Variants in NRXN1 observed in about 807,000 individuals in gnomAD.
NRXN1 encodes neurexin-1.
Under a neutral mutation model 150.9 loss-of-function variants are expected in NRXN1, and 39 were observed. The ratio of observed to expected loss-of-function variants is 0.26; its 90% CI spans 0.20 to 0.34. The LOEUF is 0.34. Among genes scored for constraint, NRXN1 ranks in the 10% least tolerant of loss-of-function variants. NRXN1 has a pLI of 1.00. For synonymous variants in NRXN1, 924 were observed against 757.0 expected, an observed-to-expected ratio of 1.22 and a Z score of -3.62; for missense variants, 1,815 against 1,949.9, an observed-to-expected ratio of 0.93 and a Z score of 1.30.
intron 22 of NRXN1, among the ~76,000 whole-genome samples, chr2:49,942,521 G>A (rs755570600): frequency 6.6e-6 from 1 of 152,064 alleles, no homozygotes; most frequent in African/African-American, 2.4e-5. Context: ...TCTAGGTGAT[G>A]TCAATAGACA....
At chr2:50,203,177 G>A (rs1051840195) in intron 18 of NRXN1, among the ~76,000 whole-genome samples, 1 of 152,064 alleles carries the variant, frequency 6.6e-6, no homozygotes, top group Non-Finnish European at 1.5e-5. Context: ...CAGTTCTTGG[G>A]GTCAAAGATT....
At chr2:50,969,506 A>G (rs1694667678) in intron 2 of NRXN1, among the ~76,000 whole-genome samples, 1 of 152,170 alleles carries the variant, frequency 6.6e-6, no homozygotes, top group Admixed American at 6.6e-5. Context: ...TTTAATAGGT[A>G]TTAATATCTT....
intron 17 of NRXN1, among the ~76,000 whole-genome samples, chr2:50,410,293 C>G (rs1186960842): frequency 2.0e-5 from 3 of 152,226 alleles, no homozygotes; most frequent in Non-Finnish European, 4.4e-5. Context: ...AAAGCTTGCA[C>G]TGCTATCAGA....
intron 5 of NRXN1, among the ~76,000 whole-genome samples, chr2:50,880,467 A>C (rs1679272477): frequency 6.6e-6 from 1 of 152,008 alleles, no homozygotes; most frequent in Admixed American, 6.6e-5. Context: ...ATTAGCATAT[A>C]AGCTCTATTA....
chr2:50,715,625 A>G (rs752950556), intron 5 of NRXN1, among the ~76,000 whole-genome samples: 20 of 152,150 alleles, frequency 1.3e-4, no homozygotes, highest in Non-Finnish European at 2.5e-4. Flanking sequence ...ATGAATTTCC[A>G]TTCTACTCAC....
At chr2:50,730,162 G>C (rs997436080) in intron 5 of NRXN1, among the ~76,000 whole-genome samples, 2 of 152,098 alleles carry the variant, frequency 1.3e-5, no homozygotes, top group African/African-American at 4.8e-5. Context: ...GGCTCTACAA[G>C]AAGATGATCT....
intron 5 of NRXN1, among the ~76,000 whole-genome samples, chr2:50,670,007 G>C (rs998783052): frequency 1.3e-5 from 2 of 151,642 alleles, no homozygotes; most frequent in African/African-American, 4.8e-5. Flanking sequence ...CATAATTTTT[G>C]TTATAGACAA....
intron 18 of NRXN1, among the ~76,000 whole-genome samples, chr2:50,128,575 T>C (rs1296653538): frequency 6.6e-6 from 1 of 152,112 alleles, no homozygotes; most frequent in African/African-American, 2.4e-5. Context: ...GATCTCCCAG[T>C]ATAAAATTAA....
chr2:50,884,139 C>A (rs1679870959), intron 5 of NRXN1, among the ~76,000 whole-genome samples: 1 of 151,714 alleles, frequency 6.6e-6, no homozygotes, highest in Non-Finnish European at 1.5e-5. Context: ...CTAGTTTCTG[C>A]AGCAGACAAG....
At chr2:50,424,783 A>T (rs1011273465) in intron 17 of NRXN1, among the ~76,000 whole-genome samples, 1 of 152,132 alleles carries the variant, frequency 6.6e-6, no homozygotes, top group African/African-American at 2.4e-5. Context: ...TAAAAACCAA[A>T]GGCTTCTCCT....
intron 18 of NRXN1, among the ~76,000 whole-genome samples, chr2:50,160,256 C>T (rs2059280580): frequency 1.3e-5 from 2 of 151,888 alleles, no homozygotes; most frequent in Non-Finnish European, 2.9e-5. Flanking sequence ...AAAAGGCTTT[C>T]TGGGCCAGAC....
At chr2:50,466,437 T>C (rs1359998419) in intron 16 of NRXN1, 1 of 472,710 alleles carries the variant, frequency 2.1e-6, no homozygotes, top group South Asian at 1.6e-5. Context: ...TTCAGTCTTG[T>C]TATATACACA....
intron 2 of NRXN1, among the ~76,000 whole-genome samples, chr2:50,931,145 T>C (rs1351443632): frequency 2.0e-5 from 3 of 152,136 alleles, no homozygotes; most frequent in African/African-American, 7.2e-5. Flanking sequence ...AGATGAAAAG[T>C]AGGTGAACTC....
At chr2:51,001,371 G>A (rs1700056816) in intron 2 of NRXN1, among the ~76,000 whole-genome samples, 1 of 151,770 alleles carries the variant, frequency 6.6e-6, no homozygotes, top group Admixed American at 6.6e-5. Flanking sequence ...GTTTGTTGGT[G>A]CCTTTCCAAA....
intron 18 of NRXN1, among the ~76,000 whole-genome samples, chr2:50,162,961 G>A (rs1295167070): frequency 1.3e-5 from 2 of 151,690 alleles, no homozygotes; most frequent in Non-Finnish European, 2.9e-5. Context: ...CTATTTGTAT[G>A]CAACATTCTT....
intron 5 of NRXN1, among the ~76,000 whole-genome samples, chr2:50,688,781 AT>A (rs1691632012): frequency 6.6e-6 from 1 of 152,168 alleles, no homozygotes; most frequent in South Asian, 2.1e-4. Flanking sequence ...TTAGTCTGAA[AT>A]CCAGTAGAAG....
At chr2:50,140,706 G>A (rs1707151147) in intron 18 of NRXN1, among the ~76,000 whole-genome samples, 1 of 150,032 alleles carries the variant, frequency 6.7e-6, no homozygotes, top group Admixed American at 6.7e-5. Context: ...TGATGTTTAT[G>A]TGAAACATTC....
At chr2:50,014,810 T>C (rs1183749994) in intron 21 of NRXN1, among the ~76,000 whole-genome samples, 2 of 152,094 alleles carry the variant, frequency 1.3e-5, no homozygotes, top group South Asian at 4.1e-4. Flanking sequence ...CCCATAATCT[T>C]TCTAGGCAGG....
chr2:50,925,437 T>G (rs1335756337), intron 3 of NRXN1, among the ~76,000 whole-genome samples: 5 of 151,908 alleles, frequency 3.3e-5, no homozygotes, highest in South Asian at 2.1e-4. Context: ...GGCTTATTTT[T>G]TAATCTAAAT....
Sources: gnomAD v4.1 joint callset for allele counts (sites outside exome capture counted in the v4.1 genomes callset) on GRCh38, gnomAD v4.1.1 for gene constraint, MANE v1.5 for transcripts, NCBI Gene and HGNC (gene_info 2026-07-23, HGNC 2026-07-21) for gene names.